Variants in SLC14A2 observed in about 807,000 individuals in gnomAD.
SLC14A2 encodes solute carrier family 14 member 2.
In SLC14A2, 91 loss-of-function variants were observed where a neutral mutation model predicts 104.6. The ratio of observed to expected loss-of-function variants is 0.87; its 90% CI spans 0.73 to 1.04. The LOEUF (loss-of-function observed/expected upper bound fraction) is 1.04. Ranked by LOEUF, SLC14A2 falls within the 50% of genes least tolerant of loss-of-function variation. SLC14A2 has a pLI of 0.00. For missense variants in SLC14A2, 1,189 were observed against 1,156.0 expected (o/e 1.03, Z -0.41); for synonymous variants, 476 against 466.4 (o/e 1.02, Z -0.27).
intron 2 of SLC14A2, among the ~76,000 whole-genome samples, chr18:45,606,279 T>A (rs539421059): frequency 6.6e-6 from 1 of 152,204 alleles, no homozygotes; most frequent in Non-Finnish European, 1.5e-5. Flanking sequence ...TCTGGTTCCT[T>A]TCTTATGGCA....
rs192099725 is a variant in SLC14A2, at chr18:45,503,959, G to A, written c.-35+20637G>A. 3.1e-4 allele frequency among the ~76,000 whole-genome samples: 47 copies of A among 152,246 alleles called. 2 individuals are homozygous for A. The highest frequency in any genetic ancestry group is 2.9e-3 in the South Asian group (14 of 4,820). Reference sequence around the variant, plus strand: ...TAACAGAGCCCCTTCCAGAACCATCGCTTCCTGTCTCCTGGTCTAATGGTC... The same window carrying A: ...TAACAGAGCCCCTTCCAGAACCATCACTTCCTGTCTCCTGGTCTAATGGTC... On this transcript the variant is annotated intron_variant, in intron 2 of 20. Coordinates refer to the SLC14A2 transcript ENST00000586448.
chr18:45,426,108 C>T (rs2086422296), intron 1 of SLC14A2, among the ~76,000 whole-genome samples: 1 of 152,162 alleles, frequency 6.6e-6, no homozygotes, highest in African/African-American at 2.4e-5. Flanking sequence ...CACTCCTCCA[C>T]ATCTCCCTGG....
intron 2 of SLC14A2, among the ~76,000 whole-genome samples, chr18:45,570,424 T>C (rs1008055513): frequency 2.0e-5 from 3 of 152,170 alleles, no homozygotes; most frequent in African/African-American, 7.2e-5. Context: ...CAACCACACC[T>C]ATATGTACCC....
At chr18:45,376,877 C>A (rs1177315494) in intron 1 of SLC14A2, among the ~76,000 whole-genome samples, 1 of 152,156 alleles carries the variant, frequency 6.6e-6, no homozygotes, top group Non-Finnish European at 1.5e-5. Context: ...GTTCTTTTCT[C>A]TTGCTCATAC....
At chr18:45,299,356 G>A (rs2084945756) in intron 1 of SLC14A2, among the ~76,000 whole-genome samples, 1 of 152,216 alleles carries the variant, frequency 6.6e-6, no homozygotes, top group African/African-American at 2.4e-5. Context: ...CATCTTTTTG[G>A]TTGTCCTTCG....
At chr18:45,431,203 T>C (rs2086509662) in intron 1 of SLC14A2, among the ~76,000 whole-genome samples, 1 of 152,176 alleles carries the variant, frequency 6.6e-6, no homozygotes, top group Admixed American at 6.5e-5. Flanking sequence ...ACCATTGGAC[T>C]CTCTTCTCAA....
At chr18:45,223,312 G>A (rs570613571) in intron 1 of SLC14A2, among the ~76,000 whole-genome samples, 29 of 152,230 alleles carry the variant, frequency 1.9e-4, no homozygotes, top group East Asian at 1.5e-3. Flanking sequence ...ACAGCCCACC[G>A]TGGGTCATGC....
intron 2 of SLC14A2, among the ~76,000 whole-genome samples, chr18:45,544,648 G>A (rs1182615287): frequency 6.6e-6 from 1 of 151,862 alleles, no homozygotes. Context: ...ACCCTTGGTT[G>A]TATATCCTTT....
rs758129284 is a variant in SLC14A2 at position 45,669,337 on chromosome 18, T to G, written c.2068T>G (p.Phe690Val). Reference protein sequence around the residue: ...PILSSALGTIFSKWDLPVFTL... With the variant: ...PILSSALGTIVSKWDLPVFTL... ...CCTCTCCAGTGCCCTGGGTACCATC[T>G]TCAGCAAGTGGGACCTCCCAGTCTT... Residue 690 changes from phenylalanine (F) to valine (V), a missense_variant, in exon 16 of 20, where the codon TTC (phenylalanine) becomes GTC (valine). Transcript: ENST00000255226. 6.2e-7 allele frequency: 1 copy of G among 1,613,950 alleles called. No individual in the cohort carries two copies. The highest frequency in any genetic ancestry group is 1.1e-5 in the South Asian group (1 of 91,046).
chr18:45,369,878 A>G (rs2085704041), intron 1 of SLC14A2, among the ~76,000 whole-genome samples: 1 of 151,952 alleles, frequency 6.6e-6, no homozygotes, highest in Non-Finnish European at 1.5e-5. Context: ...CAAGTCCAGA[A>G]CTCTTTCTAC....
chr18:45,620,658 A>G (rs1012779295), intron 1 of SLC14A2, among the ~76,000 whole-genome samples: 8 of 152,172 alleles, frequency 5.3e-5, no homozygotes, highest in Non-Finnish European at 1.2e-4. Flanking sequence ...TTTTTTCATC[A>G]AAAGAAATAT....
intron 1 of SLC14A2, among the ~76,000 whole-genome samples, chr18:45,217,723 G>A (rs952615391): frequency 1.3e-5 from 2 of 152,134 alleles, no homozygotes; most frequent in African/African-American, 2.4e-5. Flanking sequence ...ATTTCTGTCT[G>A]TAATATTTTC....
intron 2 of SLC14A2, among the ~76,000 whole-genome samples, chr18:45,560,407 C>G (rs937844174): frequency 6.6e-6 from 1 of 152,140 alleles, no homozygotes; most frequent in Admixed American, 6.5e-5. Flanking sequence ...CTGCCACCTC[C>G]TTTTTATCCA....
chr18:45,259,452 G>A (rs935719701), intron 1 of SLC14A2, among the ~76,000 whole-genome samples: 11 of 152,264 alleles, frequency 7.2e-5, no homozygotes, highest in Middle Eastern at 3.4e-3. Flanking sequence ...CACATAAATG[G>A]CACCAAAAGA....
chr18:45,363,648 C>G (rs981755312), intron 1 of SLC14A2, among the ~76,000 whole-genome samples: 1 of 152,104 alleles, frequency 6.6e-6, no homozygotes, highest in African/African-American at 2.4e-5. Flanking sequence ...TCAATGAGGC[C>G]GTGCTTAGAA....
At chr18:45,297,771 G>A (rs941413614) in intron 1 of SLC14A2, among the ~76,000 whole-genome samples, 1 of 152,170 alleles carries the variant, frequency 6.6e-6, no homozygotes, top group Admixed American at 6.5e-5. Flanking sequence ...TGGACAAATA[G>A]AGACATCTTG....
At chr18:45,559,081 A>C (rs2144305506) in intron 2 of SLC14A2, among the ~76,000 whole-genome samples, 1 of 152,180 alleles carries the variant, frequency 6.6e-6, no homozygotes, top group African/African-American at 2.4e-5. Flanking sequence ...GAGCCACTGC[A>C]CCTGGCCCCT....
intron 1 of SLC14A2, among the ~76,000 whole-genome samples, chr18:45,230,190 G>T (rs1015163442): frequency 2.6e-5 from 4 of 152,032 alleles, no homozygotes; most frequent in African/African-American, 9.7e-5. Flanking sequence ...TTGTTACTTC[G>T]TGAGGTCTGT....
intron 1 of SLC14A2, among the ~76,000 whole-genome samples, chr18:45,347,163 C>A (rs1273293395): frequency 2.6e-5 from 4 of 151,908 alleles, no homozygotes; most frequent in Admixed American, 2.6e-4. Context: ...CGAGACCAAC[C>A]TGGGCAACAT....
Sources: gnomAD v4.1 joint callset for allele counts (sites outside exome capture counted in the v4.1 genomes callset) on GRCh38, gnomAD v4.1.1 for gene constraint, MANE v1.5 for transcripts, NCBI Gene and HGNC (gene_info 2026-07-23, HGNC 2026-07-21) for gene names.